Variants in GSG1L observed in about 807,000 individuals in gnomAD.
The protein encoded by GSG1L is germ cell-specific gene 1-like protein.
GSG1L carries 24 observed loss-of-function variants against 42.1 expected under a neutral mutation model. The observed-to-expected ratio is 0.57, with a 90% CI of 0.41 to 0.80. GSG1L has a LOEUF of 0.80. Ranked by LOEUF, GSG1L falls within the 30% of genes least tolerant of loss-of-function variation. The pLI, the probability that GSG1L is intolerant of heterozygous loss-of-function variation, is 0.00. For synonymous variants in GSG1L, 215 were observed against 203.5 expected, an observed-to-expected ratio of 1.06 and a Z score of -0.48; for missense variants, 445 against 472.2, an observed-to-expected ratio of 0.94 and a Z score of 0.53.
intron 3 of GSG1L, among the ~76,000 whole-genome samples, chr16:27,882,590 C>T (rs193069269): frequency 1.3e-5 from 2 of 152,290 alleles, no homozygotes; most frequent in Non-Finnish European, 2.9e-5. Flanking sequence ...CCTTTGCTTA[C>T]GCTGTCCACT....
At chr16:27,877,214 C>A (rs976072943) in intron 3 of GSG1L, among the ~76,000 whole-genome samples, 5 of 152,240 alleles carry the variant, frequency 3.3e-5, no homozygotes, top group Non-Finnish European at 5.9e-5. Context: ...GAGACATGGG[C>A]AGCCGGAGCC....
intron 2 of GSG1L, among the ~76,000 whole-genome samples, chr16:27,959,522 G>A (rs2085044706): frequency 6.8e-6 from 1 of 147,014 alleles, no homozygotes; most frequent in Admixed American, 6.8e-5. Context: ...GGGAGGGAAG[G>A]GGAGGGGAGG....
At chr16:27,841,330 T>G (rs2083379545) in intron 4 of GSG1L, among the ~76,000 whole-genome samples, 1 of 152,172 alleles carries the variant, frequency 6.6e-6, no homozygotes, top group South Asian at 2.1e-4. Context: ...GGGGTGAGAT[T>G]TGAACCCCAG....
At chr16:27,866,983 C>G (rs190199743) in intron 3 of GSG1L, among the ~76,000 whole-genome samples, 2 of 152,170 alleles carry the variant, frequency 1.3e-5, no homozygotes, top group Non-Finnish European at 2.9e-5. Flanking sequence ...CACCCTGGCC[C>G]GGGGGCAGAG....
intron 1 of GSG1L, among the ~76,000 whole-genome samples, chr16:28,002,308 G>A (rs1487194827): frequency 1.3e-5 from 2 of 152,172 alleles, no homozygotes; most frequent in South Asian, 2.1e-4. Flanking sequence ...ACCTGATGAC[G>A]ACAAGCTGGC....
rs113152657 is a variant in GSG1L, at chr16:27,823,825, A to G, written c.830+4964T>C. ...AGGCCACACAGCACAGGGAAGGACT[A>G]TGTGGCCTGGGCTTAAATCCCAGCT... On this transcript the variant is annotated intron_variant, in intron 5 of 6. Transcript: ENST00000447459. The G allele has an allele frequency of 6.6e-4, 461 of 702,724 alleles. 6 individuals carry two copies. In the African/African-American group the frequency reaches 6.7e-3, roughly 10 times the overall value. 43.5% of individuals were successfully genotyped at this position (702,724 alleles called of 1,614,324 possible). A position where few individuals can be genotyped will look rare whatever the true frequency, so the allele number is the denominator to read the frequency against.
At chr16:27,845,095 A>C in intron 3 of GSG1L, 34 bp from the exon 4 acceptor site, 1 of 1,457,214 alleles carries the variant, frequency 6.9e-7, no homozygotes, top group Non-Finnish European at 9.6e-7. Flanking sequence ...AGCGTCAGGA[A>C]GTAAGGAAGG....
intron 3 of GSG1L, among the ~76,000 whole-genome samples, chr16:27,881,517 G>A (rs1376682030): frequency 6.6e-6 from 1 of 152,072 alleles, no homozygotes; most frequent in African/African-American, 2.4e-5. Context: ...TGGGATTACA[G>A]GCATGAGCAA....
At chr16:27,964,458 C>T (rs763781355) in intron 1 of GSG1L, among the ~76,000 whole-genome samples, 2 of 152,168 alleles carry the variant, frequency 1.3e-5, no homozygotes, top group Non-Finnish European at 2.9e-5. Flanking sequence ...ATTTATCAAT[C>T]GTGGATAGCA....
At chr16:27,947,471 GAGAAAGAAAGGA>G (rs758957140) in intron 2 of GSG1L, among the ~76,000 whole-genome samples, 13 of 144,740 alleles carry the variant, frequency 9.0e-5, no homozygotes, top group Non-Finnish European at 1.2e-4. Context: ...GGAGGGAGAA[GAGAAAGAAAGGA>G]AGAAAGAAAG....
intron 2 of GSG1L, among the ~76,000 whole-genome samples, chr16:27,940,444 G>T (rs2084776192): frequency 6.9e-6 from 1 of 144,904 alleles, no homozygotes; most frequent in African/African-American, 2.6e-5. Flanking sequence ...CAAAGACTTG[G>T]AACCAACTCA....
chr16:27,847,427 C>T (rs918890796), intron 3 of GSG1L, among the ~76,000 whole-genome samples: 1 of 152,198 alleles, frequency 6.6e-6, no homozygotes, highest in Non-Finnish European at 1.5e-5. Flanking sequence ...CCTAGCCCTG[C>T]CCTGTGCTAG....
intron 1 of GSG1L, among the ~76,000 whole-genome samples, chr16:27,975,591 G>A (rs1302385421): frequency 1.3e-5 from 2 of 152,128 alleles, no homozygotes; most frequent in East Asian, 3.8e-4. Context: ...TGTGCACTGT[G>A]GGCTTAACCA....
rs561540772 is a variant in GSG1L, at chr16:27,952,589, T to A, written c.397+10567A>T. Among the ~76,000 whole-genome samples the A allele has an allele frequency of 3.9e-5, 6 of 152,206 alleles. No individual in the cohort carries two copies. In the South Asian group the frequency reaches 1.0e-3, roughly 26 times the overall value. Reference sequence around the variant, plus strand: ...AGCACAGGATTCACATAAGGGACTGTAGGAGGCAGGGATTGAAAAGGCAGA... The same window carrying A: ...AGCACAGGATTCACATAAGGGACTGAAGGAGGCAGGGATTGAAAAGGCAGA... On this transcript the variant is annotated intron_variant, in intron 2 of 6. Coordinates refer to ENST00000447459, the MANE Select transcript of GSG1L (RefSeq NM_001109763.2).
At chr16:28,025,299 G>T (rs561127341) in intron 1 of GSG1L, among the ~76,000 whole-genome samples, 2 of 152,276 alleles carry the variant, frequency 1.3e-5, no homozygotes, top group African/African-American at 4.8e-5. Context: ...AGCAGCTAGG[G>T]CCAGGAGGCT....
chr16:27,813,700 C>T (rs181040186), intron 5 of GSG1L, among the ~76,000 whole-genome samples: 3 of 152,342 alleles, frequency 2.0e-5, no homozygotes, highest in Non-Finnish European at 4.4e-5. Flanking sequence ...GTCTTGGCCG[C>T]CCTCTGGGCC....
intron 1 of GSG1L, among the ~76,000 whole-genome samples, chr16:28,003,764 C>G (rs144087036): frequency 6.6e-6 from 1 of 152,200 alleles, no homozygotes; most frequent in Non-Finnish European, 1.5e-5. Context: ...ACCCCCAACC[C>G]AACCAGGGGC....
At chr16:27,866,257 C>A (rs1161610330) in intron 3 of GSG1L, among the ~76,000 whole-genome samples, 1 of 152,144 alleles carries the variant, frequency 6.6e-6, no homozygotes, top group African/African-American at 2.4e-5. Flanking sequence ...CACTGTAATA[C>A]CAAATCATTA....
chr16:28,012,069 C>T (rs1281238763), intron 1 of GSG1L, among the ~76,000 whole-genome samples: 5 of 152,048 alleles, frequency 3.3e-5, no homozygotes, highest in African/African-American at 1.2e-4. Flanking sequence ...CTCCCTGACA[C>T]CCCCAAGCAG....
Sources: allele counts gnomAD v4.1 joint callset (sites outside exome capture counted in the v4.1 genomes callset), GRCh38; gene constraint gnomAD v4.1.1; transcripts MANE v1.5; gene names NCBI Gene and HGNC (gene_info 2026-07-23, HGNC 2026-07-21).